Variants in CAMKMT observed in about 807,000 individuals in gnomAD.
CAMKMT encodes CaM KMT.
A neutral mutation model predicts 48.0 loss-of-function variants in CAMKMT; 53 were observed. That is an observed-to-expected ratio of 1.10 (90% CI 0.89 to 1.39). The LOEUF (loss-of-function observed/expected upper bound fraction) is 1.39, where lower values mean the gene tolerates loss of function less well. Ranked by LOEUF, CAMKMT falls within the 40% of genes most tolerant of loss-of-function variation. The pLI, the probability that CAMKMT is intolerant of heterozygous loss-of-function variation, is 0.00. For synonymous variants in CAMKMT, 165 were observed against 152.3 expected, an observed-to-expected ratio of 1.08 and a Z score of -0.61; for missense variants, 428 against 402.7, an observed-to-expected ratio of 1.06 and a Z score of -0.54.
intron 3 of CAMKMT, among the ~76,000 whole-genome samples, chr2:44,652,395 A>C (rs1009084742): frequency 6.6e-6 from 1 of 152,156 alleles, no homozygotes; most frequent in Non-Finnish European, 1.5e-5. Flanking sequence ...CATGTTTCCT[A>C]GGCTTGCTGA....
intron 7 of CAMKMT, among the ~76,000 whole-genome samples, chr2:44,735,414 T>G (rs1679303337): frequency 6.6e-6 from 1 of 152,202 alleles, no homozygotes; most frequent in Admixed American, 6.5e-5. Flanking sequence ...CATCTATTCT[T>G]TGTTCCCCCT....
chr2:44,605,805 ATTAGAGTC>A (rs1325557821), intron 3 of CAMKMT, among the ~76,000 whole-genome samples: 2 of 152,102 alleles, frequency 1.3e-5, no homozygotes, highest in Non-Finnish European at 1.5e-5. Context: ...GGGAATACAG[ATTAGAGTC>A]TTGCATGTAG....
chr2:44,395,279 T>C (rs1453340617), intron 3 of CAMKMT, among the ~76,000 whole-genome samples: 1 of 152,214 alleles, frequency 6.6e-6, no homozygotes, highest in African/African-American at 2.4e-5. Context: ...TGTATATGTA[T>C]ATGTAGTTAT....
chr2:44,589,035 C>T (rs1273320512), intron 3 of CAMKMT, among the ~76,000 whole-genome samples: 5 of 16,440 alleles, frequency 3.0e-4, no homozygotes, highest in South Asian at 2.2e-3. Context: ...CCCGGCCGGC[C>T]GCCCCATCCG....
chr2:44,552,899 A>G (rs917695536), intron 3 of CAMKMT, among the ~76,000 whole-genome samples: 1 of 152,150 alleles, frequency 6.6e-6, no homozygotes, highest in Non-Finnish European at 1.5e-5. Flanking sequence ...TAATCTTTGG[A>G]CAAATCAGCA....
At chr2:44,393,816 A>T (rs1347159108) in intron 3 of CAMKMT, among the ~76,000 whole-genome samples, 2 of 151,984 alleles carry the variant, frequency 1.3e-5, no homozygotes, top group Non-Finnish European at 2.9e-5. Flanking sequence ...GTGGGCAGGG[A>T]CTCCTTTCTA....
intron 3 of CAMKMT, among the ~76,000 whole-genome samples, chr2:44,637,276 C>T (rs998749688): frequency 1.3e-5 from 2 of 152,226 alleles, no homozygotes; most frequent in African/African-American, 4.8e-5. Context: ...AGGTATTCTT[C>T]ATTTTACAGC....
chr2:44,727,664 C>G (rs1222515468), intron 7 of CAMKMT, among the ~76,000 whole-genome samples: 1 of 152,104 alleles, frequency 6.6e-6, no homozygotes, highest in Non-Finnish European at 1.5e-5. Flanking sequence ...AGTGGTGAGA[C>G]TGGGAATCCT....
At chr2:44,636,438 T>A (rs145876620) in intron 3 of CAMKMT, among the ~76,000 whole-genome samples, 134 of 152,332 alleles carry the variant, frequency 8.8e-4, no homozygotes, top group Non-Finnish European at 1.3e-3. Flanking sequence ...AGAGGCGGCT[T>A]GCTTCAGCTC....
intron 10 of CAMKMT, among the ~76,000 whole-genome samples, chr2:44,768,826 C>A (rs1203969374): frequency 6.6e-6 from 1 of 152,172 alleles, no homozygotes; most frequent in African/African-American, 2.4e-5. Context: ...CCCTGGGACG[C>A]GCTGCTCCCC....
intron 3 of CAMKMT, among the ~76,000 whole-genome samples, chr2:44,500,590 T>TA (rs1669958371): frequency 6.6e-6 from 1 of 152,146 alleles, no homozygotes; most frequent in African/African-American, 2.4e-5. Flanking sequence ...CAAGTTATTA[T>TA]ATATGTTAAA....
chr2:44,478,059 A>G (rs1371007089), intron 3 of CAMKMT, among the ~76,000 whole-genome samples: 6 of 152,230 alleles, frequency 3.9e-5, no homozygotes, highest in Non-Finnish European at 4.4e-5. Context: ...AATTAAAAGC[A>G]ATGTATATTA....
In CAMKMT at chr2:44,756,367, T is replaced by G. The variant is rs574373984; in HGVS notation, c.762+2249T>G. On this transcript the variant is annotated intron_variant, in intron 9 of 10. Coordinates refer to ENST00000378494, the MANE Select transcript of CAMKMT (RefSeq NM_024766.5). ...GGTCAAGGTTTTATTTCATTACAAT[T>G]AGAGCTGGTTTTAGTGTCCTCTTGA... is the stretch of plus-strand genomic sequence containing the variant. Among the ~76,000 whole-genome samples the G allele has an allele frequency of 3.3e-3, 496 of 152,314 alleles. 2 individuals are homozygous for G. The highest frequency in any genetic ancestry group is 5.7e-3 in the Non-Finnish European group (391 of 68,024).
intron 3 of CAMKMT, among the ~76,000 whole-genome samples, chr2:44,536,368 C>T (rs537697595): frequency 1.1e-4 from 17 of 151,414 alleles, no homozygotes; most frequent in Non-Finnish European, 1.9e-4. Flanking sequence ...TCTGTTGCCC[C>T]GGCTGGAGTG....
chr2:44,463,989 C>T (rs1667978727), intron 3 of CAMKMT, among the ~76,000 whole-genome samples: 1 of 152,114 alleles, frequency 6.6e-6, no homozygotes, highest in African/African-American at 2.4e-5. Context: ...CATTAACTGA[C>T]TCCGAAGAAA....
chr2:44,379,090 C>T (rs1450634007), intron 2 of CAMKMT, among the ~76,000 whole-genome samples: 1 of 152,308 alleles, frequency 6.6e-6, no homozygotes, highest in South Asian at 2.1e-4. Flanking sequence ...TTCCTCTAGT[C>T]CCTGGCAACC....
At chr2:44,480,435 G>T (rs762103166) in intron 3 of CAMKMT, among the ~76,000 whole-genome samples, 4 of 152,148 alleles carry the variant, frequency 2.6e-5, no homozygotes, top group Admixed American at 1.3e-4. Flanking sequence ...GTTTAGTTCA[G>T]AGAGTTGCAA....
At chr2:44,527,751 C>T (rs1666231162) in intron 3 of CAMKMT, among the ~76,000 whole-genome samples, 1 of 149,494 alleles carries the variant, frequency 6.7e-6, no homozygotes, top group Non-Finnish European at 1.5e-5. Context: ...AAGTACAGAG[C>T]ATCCTCATGA....
At chr2:44,621,958 G>A (rs1672219509) in intron 3 of CAMKMT, among the ~76,000 whole-genome samples, 1 of 152,170 alleles carries the variant, frequency 6.6e-6, no homozygotes, top group African/African-American at 2.4e-5. Flanking sequence ...ATGAATTCAA[G>A]ATGTAATTTG....
Sources: allele counts gnomAD v4.1 joint callset (sites outside exome capture counted in the v4.1 genomes callset), GRCh38; gene constraint gnomAD v4.1.1; transcripts MANE v1.5; gene names NCBI Gene and HGNC (gene_info 2026-07-23, HGNC 2026-07-21).